The following GPR26 variants were observed in gnomAD, a reference collection of about 807,000 sequenced individuals.
The protein encoded by GPR26 is G protein-coupled receptor 26.
A neutral mutation model predicts 23.1 loss-of-function variants in GPR26; 15 were observed. The observed-to-expected ratio is 0.65, with a 90% CI of 0.43 to 1.00. The LOEUF (loss-of-function observed/expected upper bound fraction) is 1.00. Among genes scored for constraint, GPR26 ranks in the 50% least tolerant of loss-of-function variants. The pLI, the probability that GPR26 is intolerant of heterozygous loss-of-function variation, is 0.00. For synonymous variants in GPR26, 228 were observed against 222.1 expected (o/e 1.03, Z -0.24); for missense variants, 359 against 470.5 (o/e 0.76, Z 2.19).
Position 123,681,333 on chromosome 10 carries a change from G to T in GPR26, c.782+6402G>T, listed in dbSNP as rs997452724. ...TCCTACTTTCCTCCCAGAGGGATGTGGGGAGACACGTTGAGGCACAACCCA... is the reference window on the plus strand; with the variant it reads ...TCCTACTTTCCTCCCAGAGGGATGTTGGGAGACACGTTGAGGCACAACCCA... On this transcript the variant is annotated intron_variant, in intron 2 of 2. Coordinates refer to ENST00000284674, the MANE Select transcript of GPR26 (RefSeq NM_153442.4). 3.3e-5 allele frequency among the ~76,000 whole-genome samples: 5 copies of T among 152,280 alleles called. No individual in the cohort carries two copies. The East Asian group carries it at 7.7e-4, about 24-fold the overall frequency.
Position 123,687,934 on chromosome 10 carries a change from T to C in GPR26, c.788T>C (p.Val263Ala). The C allele has an allele frequency of 2.5e-6, 4 of 1,606,430 alleles. No homozygotes were observed. The highest frequency in any genetic ancestry group is 3.4e-6 in the Non-Finnish European group (4 of 1,173,434). The change falls in exon 3 of 3, where the codon GTG becomes GCG. Residue 263 changes from valine (V) to alanine (A), a missense_variant. By Grantham distance (64) the Val-to-Ala change is moderately conservative. Transcript: ENST00000284674. ...GCTTCCCTGTCTCTCCACAGGCTAG[T>C]GGAGCTCTTCTCCACGGTGCCCATC... The part of the protein sequence containing the change: ...CFAPYVITRL[V>A]ELFSTVPIGS...
Position 123,674,675 on chromosome 10 carries a change from C to T in GPR26, c.669-143C>T, listed in dbSNP as rs1398982586. On this transcript the variant is annotated intron_variant, in intron 1 of 2. Coordinates refer to ENST00000284674, the MANE Select transcript of GPR26 (RefSeq NM_153442.4). This position sits in a 1 kb window ranked among gnomAD's most constrained non-coding sequence, Gnocchi z 4.1. ...ACTGCTTGCCCAAGGTCAATAGCTA[C>T]AGCCAAGAGTTGACGCTGGGTCTTT... is the stretch of plus-strand genomic sequence containing the variant. The T allele has an allele frequency of 1.2e-5, 7 of 577,486 alleles. No individual in the cohort carries two copies. The highest frequency in any genetic ancestry group is 2.8e-5 in the Admixed American group (1 of 35,352). 35.8% of individuals were successfully genotyped at this position (577,486 alleles called of 1,614,324 possible). A position where few individuals can be genotyped will look rare whatever the true frequency, so the allele number is the denominator to read the frequency against.
rs529569788 is a variant in GPR26 at position 123,666,993 on chromosome 10, C to G, written c.586C>G (p.Leu196Val). 1.9e-6 allele frequency: 3 copies of G among 1,613,164 alleles called. No individual in the cohort carries two copies. Among genetic ancestry groups the G allele is most frequent in the Non-Finnish European group, 2.5e-6 (3 of 1,179,714 alleles). The change falls in exon 1 of 3, where the codon CTC becomes GTC. Residue 196 changes from leucine (L) to valine (V), a missense_variant. Transcript: ENST00000284674. ...GCTCTGCTGCACGTACCTCAAGGTG[C>G]TCAAGGTGGCCCGCTTCCATTGCAA... ...VVLCCTYLKV[L>V]KVARFHCKRI... is the part of the protein sequence containing the mutation.
At chr10:123,687,391 G>C (rs1288536908) in intron 2 of GPR26, among the ~76,000 whole-genome samples, 1 of 152,214 alleles carries the variant, frequency 6.6e-6, no homozygotes, top group Non-Finnish European at 1.5e-5. Flanking sequence ...AAAGATCATT[G>C]AGACGATATT....
At chr10:123,672,634 G>C (rs145976172) in intron 1 of GPR26, among the ~76,000 whole-genome samples, 172 of 152,336 alleles carry the variant, frequency 1.1e-3, no homozygotes, top group African/African-American at 3.9e-3. Context: ...CTTCTGCAGT[G>C]GGGGGAGCTC....
intron 2 of GPR26, among the ~76,000 whole-genome samples, chr10:123,684,704 C>G (rs530190608): frequency 4.0e-4 from 61 of 152,356 alleles, no homozygotes; most frequent in African/African-American, 1.4e-3. Flanking sequence ...GTGTGTGTCT[C>G]TGTCCAAGTT....
At position 123,666,991 on chromosome 10, in the gene GPR26, T is replaced by A; in HGVS notation, c.584T>A (p.Val195Glu). The A allele has an allele frequency of 2.5e-6, 4 of 1,613,344 alleles. No homozygotes were observed. The highest frequency in any genetic ancestry group is 1.1e-5 in the South Asian group (1 of 90,942). ...FVVLCCTYLK[V>E]LKVARFHCKR... ...GTGCTCTGCTGCACGTACCTCAAGGTGCTCAAGGTGGCCCGCTTCCATTGC... is the reference window on the plus strand; with the variant it reads ...GTGCTCTGCTGCACGTACCTCAAGGAGCTCAAGGTGGCCCGCTTCCATTGC... Residue 195 changes from valine (V) to glutamate (E), a missense_variant, in exon 1 of 3, where the codon GTG becomes GAG. Val to Glu is a moderately radical substitution (Grantham distance 121). Transcript: ENST00000284674.
In GPR26 at chr10:123,697,074, CAT is replaced by C. The variant is rs1430573944; in HGVS notation, c.*8915_*8916del. 3.3e-5 allele frequency among the ~76,000 whole-genome samples: 5 copies of C among 152,236 alleles called. No homozygotes were observed. The East Asian group carries it at 5.8e-4, about 18-fold the overall frequency. ...ATGAAGCAAAAGTTTAGCATCCTCT[CAT>C]GTGTGTCAACATTGTAGTTTTACAT... On this transcript the variant is annotated 3_prime_UTR_variant, in exon 3 of 3. Coordinates refer to ENST00000284674, the MANE Select transcript of GPR26 (RefSeq NM_153442.4).
chr10:123,675,553 T>C (rs1845294815), intron 2 of GPR26, among the ~76,000 whole-genome samples: 1 of 152,144 alleles, frequency 6.6e-6, no homozygotes, highest in Non-Finnish European at 1.5e-5. Flanking sequence ...CCTTGGGTTG[T>C]GTATCTCTCA....
intron 1 of GPR26, among the ~76,000 whole-genome samples, chr10:123,669,734 T>G (rs1014690422): frequency 6.6e-6 from 1 of 152,180 alleles, no homozygotes; most frequent in East Asian, 1.9e-4. Context: ...GCACCATAAG[T>G]AGCAGTCCTC....
At chr10:123,675,235 AGAG>A (rs1289497161) in intron 2 of GPR26, among the ~76,000 whole-genome samples, 1 of 151,970 alleles carries the variant, frequency 6.6e-6, no homozygotes, top group Non-Finnish European at 1.5e-5. Flanking sequence ...AAAGAGAAGG[AGAG>A]GGTGAGAGAA....
intron 2 of GPR26, 102 bp from the exon 3 acceptor site, chr10:123,687,827 T>C: frequency 1.4e-6 from 1 of 714,664 alleles, no homozygotes; most frequent in South Asian, 1.6e-5. Context: ...AGGGTTGGGC[T>C]GCGAAACCGT....
rs1845487080 is a variant in GPR26 at position 123,691,184 on chromosome 10, A to T, written c.*3024A>T. On this transcript the variant is annotated 3_prime_UTR_variant, in exon 3 of 3. Transcript: ENST00000284674. ...CGAGGGACCTCCAAAGGGAACGTCC[A>T]TTTGCATGTGTGCCCTGGTATTTAG... 6.6e-6 allele frequency: 1 copy of T among 152,126 alleles called. No homozygotes were observed. Among genetic ancestry groups the T allele is most frequent in the African/African-American group, 2.4e-5 (1 of 41,408 alleles). The allele number at this position is 152,126 out of a possible 1,614,324, so 9.4% of individuals were successfully genotyped here.
chr10:123,683,235 T>C (rs1845396791), intron 2 of GPR26, among the ~76,000 whole-genome samples: 1 of 152,196 alleles, frequency 6.6e-6, no homozygotes, highest in Admixed American at 6.5e-5. Context: ...GGAAGGCACA[T>C]GGTCACCGGC....
At chr10:123,679,081 T>C (rs909270695) in intron 2 of GPR26, among the ~76,000 whole-genome samples, 8 of 152,230 alleles carry the variant, frequency 5.3e-5, no homozygotes, top group Non-Finnish European at 1.0e-4. Context: ...TTCAAGATGA[T>C]TTCCAAGTGT....
intron 2 of GPR26, among the ~76,000 whole-genome samples, chr10:123,683,601 G>T (rs111287624): frequency 0.018 from 2,744 of 152,286 alleles, 70 homozygotes; most frequent in African/African-American, 0.056. Context: ...AGGCTGCTGG[G>T]TGGGAATGTG....
intron 2 of GPR26, among the ~76,000 whole-genome samples, chr10:123,682,081 G>A (rs1014708049): frequency 6.6e-6 from 1 of 152,192 alleles, no homozygotes; most frequent in Admixed American, 6.5e-5. Context: ...GAAACACAGA[G>A]AAGCCACATG....
chr10:123,678,116 A>G (rs1589926879), intron 2 of GPR26, among the ~76,000 whole-genome samples: 3 of 152,354 alleles, frequency 2.0e-5, no homozygotes, highest in Non-Finnish European at 4.4e-5. Context: ...GTAATTTTAT[A>G]TAGAATTCAT....
chr10:123,678,412 A>G (rs1845332187), intron 2 of GPR26, among the ~76,000 whole-genome samples: 1 of 152,164 alleles, frequency 6.6e-6, no homozygotes. Flanking sequence ...CTCTCCCGTC[A>G]GGGCCCTGCT....
Sources: gnomAD v4.1 joint callset for allele counts (sites outside exome capture counted in the v4.1 genomes callset) on GRCh38, gnomAD v4.1.1 for gene constraint, Gnocchi (gnomAD v3.1) non-coding constraint, MANE v1.5 for transcripts, NCBI Gene and HGNC (gene_info 2026-07-23, HGNC 2026-07-21) for gene names.